Variants in LMX1A observed in about 807,000 individuals in gnomAD.
LMX1A encodes the protein LIM homeobox transcription factor 1 alpha.
A neutral mutation model predicts 49.1 loss-of-function variants in LMX1A; 15 were observed. The ratio of observed to expected loss-of-function variants is 0.31; its 90% CI spans 0.20 to 0.47. The LOEUF is 0.47. LMX1A is among the 20% of genes least tolerant of loss of function. The pLI, the probability that LMX1A is intolerant of heterozygous loss-of-function variation, is 1.00. For synonymous variants in LMX1A, 167 were observed against 185.7 expected (o/e 0.90, Z 0.82); for missense variants, 372 against 475.8 (o/e 0.78, Z 2.03).
chr1:165,334,817 G>A (rs910188253), intron 3 of LMX1A, among the ~76,000 whole-genome samples: 1 of 152,172 alleles, frequency 6.6e-6, no homozygotes, highest in East Asian at 1.9e-4. Flanking sequence ...GATCTCCTGA[G>A]AGAAGGGCAG....
chr1:165,243,225 TA>T (rs1470172354), intron 4 of LMX1A, among the ~76,000 whole-genome samples: 1 of 152,212 alleles, frequency 6.6e-6, no homozygotes, highest in Non-Finnish European at 1.5e-5. Flanking sequence ...TAAAAGTTTT[TA>T]AAAACTGCTT....
chr1:165,224,425 G>T (rs12742947), intron 4 of LMX1A, among the ~76,000 whole-genome samples: 1 of 152,064 alleles, frequency 6.6e-6, no homozygotes, highest in Non-Finnish European at 1.5e-5. Context: ...AAATGGGGTC[G>T]TTGAAAGCAC....
chr1:165,304,477 T>A (rs370156042), intron 3 of LMX1A, among the ~76,000 whole-genome samples: 60 of 152,332 alleles, frequency 3.9e-4, no homozygotes, highest in African/African-American at 1.3e-3. Flanking sequence ...GCAGGACTGG[T>A]TTGGATATAC....
intron 7 of LMX1A, among the ~76,000 whole-genome samples, chr1:165,207,122 G>A (rs1651118712): frequency 6.6e-6 from 1 of 152,108 alleles, no homozygotes; most frequent in Non-Finnish European, 1.5e-5. Flanking sequence ...GAATCTTGGG[G>A]CCCACCCAGA....
chr1:165,336,078 C>T (rs1343676922), intron 3 of LMX1A, among the ~76,000 whole-genome samples: 2 of 152,070 alleles, frequency 1.3e-5, no homozygotes, highest in Non-Finnish European at 2.9e-5. Context: ...TTATAACATA[C>T]ATATGTTTAA....
chr1:165,277,000 CA>C (rs576255818), intron 3 of LMX1A, among the ~76,000 whole-genome samples: 174 of 152,356 alleles, frequency 1.1e-3, no homozygotes, highest in Admixed American at 2.0e-3. Context: ...AGGCATGCCA[CA>C]ATTGTGTCAA....
chr1:165,225,837 C>G (rs1197349558), intron 4 of LMX1A, among the ~76,000 whole-genome samples: 1 of 152,188 alleles, frequency 6.6e-6, no homozygotes, highest in African/African-American at 2.4e-5. Flanking sequence ...CTCTCTTTCC[C>G]CACCCCTACA....
intron 4 of LMX1A, among the ~76,000 whole-genome samples, chr1:165,214,831 T>C (rs1651580111): frequency 6.6e-6 from 1 of 152,236 alleles, no homozygotes; most frequent in African/African-American, 2.4e-5. Flanking sequence ...GTCTAACTAT[T>C]TGAAATACTT....
rs74757139 is a variant in LMX1A at position 165,263,632 on chromosome 1, C to T, written c.264-13992G>A. Among the ~76,000 whole-genome samples, 391 of 152,342 alleles carry T rather than the reference C, an allele frequency of 2.6e-3. 1 individual carries two copies. Among genetic ancestry groups the T allele is most frequent in the African/African-American group, 8.7e-3 (362 of 41,576 alleles). On this transcript the variant is annotated intron_variant, in intron 3 of 8. Transcript: ENST00000342310. The stretch of plus-strand genomic sequence containing the variant: ...ACCACTTGCTTCCTCTTGTCACCTG[C>T]TATGCTGATCTTGAGCACAACACTC...
At chr1:165,271,927 T>G (rs1052960172) in intron 3 of LMX1A, among the ~76,000 whole-genome samples, 1 of 152,148 alleles carries the variant, frequency 6.6e-6, no homozygotes, top group Non-Finnish European at 1.5e-5. Flanking sequence ...TCTCAGTACT[T>G]TTTCTCCAGG....
At position 165,326,093 on chromosome 1, in the gene LMX1A, T is replaced by C. The variant is rs371829401; in HGVS notation, c.263+26983A>G. Among the ~76,000 whole-genome samples the C allele has an allele frequency of 2.4e-4, 36 of 152,168 alleles. 1 individual carries two copies. In the South Asian group the frequency reaches 7.1e-3, roughly 30 times the overall value. On this transcript the variant is annotated intron_variant, in intron 3 of 8. Transcript: ENST00000342310. ...TCAGGCCCAGCTCTGCCCTTTTATA[T>C]TACACACTGTTCAGTCAAATCCATC...
intron 3 of LMX1A, among the ~76,000 whole-genome samples, chr1:165,254,881 A>G (rs986970756): frequency 1.3e-5 from 2 of 152,226 alleles, no homozygotes; most frequent in African/African-American, 2.4e-5. Context: ...CCTTGATGTC[A>G]TAAATTCTCC....
intron 8 of LMX1A, among the ~76,000 whole-genome samples, chr1:165,204,673 T>C (rs1651000203): frequency 6.6e-6 from 1 of 152,178 alleles, no homozygotes; most frequent in Non-Finnish European, 1.5e-5. Flanking sequence ...ATAGGAGAGG[T>C]GAAAACTGGA....
At chr1:165,262,162 G>A (rs1468416642) in intron 3 of LMX1A, among the ~76,000 whole-genome samples, 2 of 152,154 alleles carry the variant, frequency 1.3e-5, no homozygotes, top group East Asian at 3.8e-4. Context: ...ACTCTCACCA[G>A]CCTCCCTTGC....
rs201001547 is a variant in LMX1A, at chr1:165,223,120, GA to G, written c.497-9308del. Among the ~76,000 whole-genome samples, 148 of 147,706 alleles carry G rather than the reference GA, an allele frequency of 1.0e-3. 1 individual carries two copies. The South Asian group carries it at 0.015, about 15-fold the overall frequency. ...AACACTATTAAATTATACACTTCAA[GA>G]AAAAAAAAATGGCCTAACTTCTCTA... On this transcript the variant is annotated intron_variant, in intron 4 of 8. Coordinates refer to ENST00000342310, the MANE Select transcript of LMX1A (RefSeq NM_177398.4).
chr1:165,213,612 C>T, intron 5 of LMX1A, 29 bp downstream of exon 5: 2 of 1,597,742 alleles, frequency 1.3e-6, no homozygotes, highest in South Asian at 1.1e-5. Flanking sequence ...TGGGGCCCAG[C>T]TCCTTTTCCT....
chr1:165,262,743 T>A (rs1303410488), intron 3 of LMX1A, among the ~76,000 whole-genome samples: 2 of 152,022 alleles, frequency 1.3e-5, no homozygotes, highest in Non-Finnish European at 2.9e-5. Flanking sequence ...TTTCTCCCAT[T>A]TTGGAAAAAA....
At chr1:165,213,614 C>T in intron 5 of LMX1A, 27 bp downstream of exon 5, 1 of 1,600,790 alleles carries the variant, frequency 6.2e-7, no homozygotes, top group Non-Finnish European at 8.5e-7. Flanking sequence ...GGGCCCAGCT[C>T]CTTTTCCTCC....
chr1:165,250,067 G>A (rs961895227), intron 3 of LMX1A, among the ~76,000 whole-genome samples: 6 of 151,894 alleles, frequency 4.0e-5, no homozygotes, highest in African/African-American at 1.5e-4. Context: ...ACACACTCTG[G>A]GGCCTGTCAG....
Sources: gnomAD v4.1 joint callset for allele counts (sites outside exome capture counted in the v4.1 genomes callset) on GRCh38, gnomAD v4.1.1 for gene constraint, MANE v1.5 for transcripts, NCBI Gene and HGNC (gene_info 2026-07-23, HGNC 2026-07-21) for gene names.